ODAD2: variants seen among roughly 807,000 people sequenced by gnomAD.
ODAD2 encodes outer dynein arm docking complex subunit 2.
A neutral mutation model predicts 106.8 loss-of-function variants in ODAD2; 89 were observed. The ratio of observed to expected loss-of-function variants is 0.83; its 90% CI spans 0.70 to 0.99. The LOEUF is 0.99. Among genes scored for constraint, ODAD2 ranks in the 50% least tolerant of loss-of-function variants. ODAD2 has a pLI of 0.00. For missense variants in ODAD2, 1,168 were observed against 1,238.5 expected, an observed-to-expected ratio of 0.94 and a Z score of 0.85; for synonymous variants, 404 against 436.2, an observed-to-expected ratio of 0.93 and a Z score of 0.92.
intron 16 of ODAD2, among the ~76,000 whole-genome samples, chr10:27,911,383 TATAA>T (rs763745513): frequency 4.6e-5 from 7 of 152,192 alleles, no homozygotes; most frequent in African/African-American, 7.2e-5. Context: ...ATTTGGGGGT[TATAA>T]ATAAAGTTTA....
rs577315757 is a variant in ODAD2 at position 27,980,859 on chromosome 10, C to T, written c.936+607G>A. Among the ~76,000 whole-genome samples the T allele has an allele frequency of 3.3e-5, 5 of 152,218 alleles. No homozygotes were observed. In the East Asian group the frequency reaches 9.7e-4, roughly 29 times the overall value. The stretch of plus-strand genomic sequence containing the variant: ...AAAAGAATTGAAAATAGGAACTCAA[C>T]AGATACCTGTACACCAATATTCATA... On this transcript the variant is annotated intron_variant, in intron 7 of 19. Coordinates refer to ENST00000305242, the MANE Select transcript of ODAD2 (RefSeq NM_018076.5).
intron 9 of ODAD2, among the ~76,000 whole-genome samples, chr10:27,965,026 A>G (rs1848399703): frequency 1.3e-5 from 2 of 152,222 alleles, no homozygotes; most frequent in African/African-American, 4.8e-5. Flanking sequence ...ACAGGAGGCA[A>G]CAGTCAGTAA....
At chr10:27,991,969 T>G (rs1051742688) in intron 2 of ODAD2, among the ~76,000 whole-genome samples, 2 of 152,212 alleles carry the variant, frequency 1.3e-5, no homozygotes, top group African/African-American at 4.8e-5. Context: ...TAATAAATTC[T>G]TTGGGTAATT....
chr10:27,860,889 C>G (rs2133326884), intron 18 of ODAD2, 43 bp from the exon 19 acceptor site: 1 of 1,536,222 alleles, frequency 6.5e-7, no homozygotes, highest in East Asian at 2.2e-5. Flanking sequence ...ATTGTAATGA[C>G]CCTGCAAGAT....
chr10:27,991,939 G>A (rs1291604418), intron 2 of ODAD2, among the ~76,000 whole-genome samples: 5 of 152,188 alleles, frequency 3.3e-5, no homozygotes, highest in African/African-American at 4.8e-5. Flanking sequence ...CAATGAATGA[G>A]GTCATGGGGA....
intron 19 of ODAD2, among the ~76,000 whole-genome samples, chr10:27,844,710 T>C (rs573991378): frequency 6.6e-6 from 1 of 152,330 alleles, no homozygotes; most frequent in African/African-American, 2.4e-5. Flanking sequence ...GCTTTTAGAA[T>C]AAATGTCTGG....
In ODAD2 at chr10:27,967,020, C is replaced by T. The variant is rs548834131; in HGVS notation, c.1238+1903G>A. Among the ~76,000 whole-genome samples the T allele has an allele frequency of 2.2e-4, 33 of 148,602 alleles. 1 individual carries two copies. The South Asian group carries it at 6.5e-3, about 29-fold the overall frequency. On this transcript the variant is annotated intron_variant, in intron 9 of 19. Coordinates refer to ENST00000305242, the MANE Select transcript of ODAD2 (RefSeq NM_018076.5). ...TTCCTAGACTGGGTACTGGAAAAGC[C>T]GGCAAAGCAGAAACTCCAGGAGGTG...
rs528166714 is a variant in ODAD2 at position 27,837,366 on chromosome 10, T to C, written c.3021+23259A>G. Among the ~76,000 whole-genome samples, 4 of 152,334 alleles carry C rather than the reference T, an allele frequency of 2.6e-5. No homozygotes were observed. In the South Asian group the frequency reaches 8.3e-4, roughly 32 times the overall value. On this transcript the variant is annotated intron_variant, in intron 19 of 19. Transcript: ENST00000305242. ...TTCTCTGTATGCAAAATGGAATGAA[T>C]GAAAATATCAGGTTGACGTTCTGGC...
intron 14 of ODAD2, among the ~76,000 whole-genome samples, chr10:27,938,947 G>C (rs957204734): frequency 6.6e-6 from 1 of 152,014 alleles, no homozygotes; most frequent in Non-Finnish European, 1.5e-5. Context: ...CATCTTAAGT[G>C]CATTCCTCTA....
chr10:27,948,753 C>A (rs1321877849), intron 10 of ODAD2, among the ~76,000 whole-genome samples: 2 of 142,572 alleles, frequency 1.4e-5, no homozygotes, highest in Non-Finnish European at 3.0e-5. Flanking sequence ...TCTTTTCAAA[C>A]ATCTCCAGGC....
At chr10:27,964,403 A>AC (rs1848357483) in intron 9 of ODAD2, among the ~76,000 whole-genome samples, 1 of 152,170 alleles carries the variant, frequency 6.6e-6, no homozygotes, top group Non-Finnish European at 1.5e-5. Context: ...TTAGTATGTA[A>AC]AAAGCTTATA....
intron 17 of ODAD2, among the ~76,000 whole-genome samples, chr10:27,900,484 C>T (rs1843124949): frequency 1.3e-5 from 2 of 152,124 alleles, no homozygotes; most frequent in Non-Finnish European, 2.9e-5. Context: ...CAGAAGTAGG[C>T]TTCAGAAGGT....
intron 10 of ODAD2, among the ~76,000 whole-genome samples, chr10:27,960,433 G>A (rs565912929): frequency 3.3e-5 from 5 of 150,546 alleles, no homozygotes; most frequent in African/African-American, 4.9e-5. Context: ...TGCAACCTCC[G>A]CCTCCTGGGT....
At chr10:27,945,383 GA>G (rs1273828395) in intron 10 of ODAD2, among the ~76,000 whole-genome samples, 5 of 152,228 alleles carry the variant, frequency 3.3e-5, no homozygotes, top group Admixed American at 1.3e-4. Flanking sequence ...AGAACTCAGA[GA>G]AAAGGAAAAC....
chr10:27,836,800 A>G (rs1259562644), intron 19 of ODAD2, among the ~76,000 whole-genome samples: 1 of 152,226 alleles, frequency 6.6e-6, no homozygotes, highest in Non-Finnish European at 1.5e-5. Flanking sequence ...TTGATTAATA[A>G]TGTTGGTTAA....
chr10:27,829,170 T>G (rs904031271), intron 19 of ODAD2, among the ~76,000 whole-genome samples: 14 of 152,324 alleles, frequency 9.2e-5, no homozygotes, highest in South Asian at 6.2e-4. Flanking sequence ...TTGATTTTGG[T>G]TCAGCGTTCA....
intron 17 of ODAD2, 38 bp downstream of exon 17, chr10:27,907,625 G>A (rs771553322): frequency 7.0e-7 from 1 of 1,436,646 alleles, no homozygotes; most frequent in South Asian, 1.2e-5. Context: ...TATAGTATTA[G>A]AGATTCTAGA....
intron 19 of ODAD2, among the ~76,000 whole-genome samples, chr10:27,852,960 CAAAA>C (rs61548333): frequency 4.7e-5 from 4 of 84,752 alleles, no homozygotes; most frequent in Non-Finnish European, 4.7e-5. Flanking sequence ...GACACAGTCT[CAAAA>C]AAAAAAAAAA....
intron 17 of ODAD2, among the ~76,000 whole-genome samples, chr10:27,888,710 T>C (rs1039455569): frequency 2.6e-5 from 4 of 152,158 alleles, no homozygotes; most frequent in Non-Finnish European, 5.9e-5. Context: ...GCCCACAATA[T>C]ATCCACATAA....
Sources: allele counts gnomAD v4.1 joint callset (sites outside exome capture counted in the v4.1 genomes callset), GRCh38; gene constraint gnomAD v4.1.1; transcripts MANE v1.5; gene names NCBI Gene and HGNC (gene_info 2026-07-23, HGNC 2026-07-21).